The following CSMD1 variants were observed in gnomAD, a reference collection of about 807,000 sequenced individuals.
The protein encoded by CSMD1 is CUB and Sushi multiple domains 1, also known as CUB and sushi domain-containing protein 1.
Under a neutral mutation model 417.5 loss-of-function variants are expected in CSMD1, and 213 were observed. The observed-to-expected ratio is 0.51, with a 90% CI of 0.46 to 0.57. The LOEUF (loss-of-function observed/expected upper bound fraction) is 0.57, where lower values mean the gene tolerates loss of function less well. Ranked by LOEUF, CSMD1 falls within the 20% of genes least tolerant of loss-of-function variation. CSMD1 has a pLI of 0.00. For synonymous variants in CSMD1, 2,862 were observed against 1,736.8 expected (o/e 1.65, Z -16.11); for missense variants, 6,923 against 4,529.7 (o/e 1.53, Z -15.17).
At chr8:4,649,306 T>C (rs1475507087) in intron 1 of CSMD1, among the ~76,000 whole-genome samples, 4 of 152,224 alleles carry the variant, frequency 2.6e-5, no homozygotes, top group African/African-American at 7.2e-5. Context: ...ATATTATTAC[T>C]ACCTACAGTA....
At chr8:3,946,726 G>A (rs918561056) in intron 5 of CSMD1, among the ~76,000 whole-genome samples, 1 of 151,906 alleles carries the variant, frequency 6.6e-6, no homozygotes, top group Non-Finnish European at 1.5e-5. Flanking sequence ...ATTTTGTTAG[G>A]TCTTTAGTAA....
intron 1 of CSMD1, among the ~76,000 whole-genome samples, chr8:4,927,721 T>C (rs561404871): frequency 2.0e-5 from 3 of 152,254 alleles, no homozygotes; most frequent in South Asian, 2.1e-4. Context: ...ATGATACTTA[T>C]CTGCAAGTTA....
At chr8:3,895,872 C>A (rs994223853) in intron 5 of CSMD1, among the ~76,000 whole-genome samples, 3 of 152,184 alleles carry the variant, frequency 2.0e-5, no homozygotes, top group African/African-American at 7.2e-5. Flanking sequence ...TGGGAATAGT[C>A]AGGTTAACCT....
chr8:3,953,175 G>T (rs554049486), intron 5 of CSMD1, among the ~76,000 whole-genome samples: 2 of 151,942 alleles, frequency 1.3e-5, no homozygotes, highest in Non-Finnish European at 2.9e-5. Context: ...CTGGATTAGA[G>T]ATTTTACTTT....
intron 5 of CSMD1, among the ~76,000 whole-genome samples, chr8:3,946,197 T>G (rs1253356928): frequency 1.3e-5 from 2 of 152,210 alleles, no homozygotes; most frequent in African/African-American, 2.4e-5. Flanking sequence ...CTCAGTGGTT[T>G]AGCAACTGTT....
At chr8:3,921,890 G>C (rs1430481337) in intron 5 of CSMD1, among the ~76,000 whole-genome samples, 1 of 152,114 alleles carries the variant, frequency 6.6e-6, no homozygotes, top group African/African-American at 2.4e-5. Context: ...GCATGTGTCT[G>C]TTAGGTCCAT....
At chr8:2,971,539 G>A (rs1435175491) in intron 57 of CSMD1, among the ~76,000 whole-genome samples, 2 of 152,110 alleles carry the variant, frequency 1.3e-5, no homozygotes, top group African/African-American at 4.8e-5. Context: ...TCTTTTCAGT[G>A]CCTCATATCG....
chr8:3,833,142 C>T (rs1338235429), intron 5 of CSMD1, among the ~76,000 whole-genome samples: 2 of 152,130 alleles, frequency 1.3e-5, no homozygotes, highest in African/African-American at 4.8e-5. Flanking sequence ...CGATCAACTT[C>T]CTCTCTTTAA....
At position 3,108,829 on chromosome 8, in the gene CSMD1, A is replaced by AT. The variant is rs1563052827; in HGVS notation, c.6609-82dup. 20 of 1,373,030 alleles carry AT rather than the reference A, an allele frequency of 1.5e-5. No homozygotes were observed. The South Asian group carries it at 2.0e-4, about 13-fold the overall frequency. The allele number at this position is 1,373,030 out of a possible 1,614,324, so 85.1% of individuals were successfully genotyped here. ...TATGGAAACTTTGGCTAATGAATTA[A>AT]TTTTTTTAATAAAAGCAATAAAACA... On this transcript the variant is annotated intron_variant, in intron 43 of 69. Coordinates refer to ENST00000635120, the MANE Select transcript of CSMD1 (RefSeq NM_033225.6).
intron 10 of CSMD1, among the ~76,000 whole-genome samples, chr8:3,560,276 G>T (rs1799413640): frequency 6.6e-6 from 1 of 152,072 alleles, no homozygotes; most frequent in Non-Finnish European, 1.5e-5. Context: ...TTACTTAGAA[G>T]CATTTCCACA....
At chr8:3,560,262 T>A (rs1799412954) in intron 10 of CSMD1, among the ~76,000 whole-genome samples, 2 of 152,176 alleles carry the variant, frequency 1.3e-5, no homozygotes, top group South Asian at 4.1e-4. Context: ...AGTAGTACTG[T>A]TAATTACTTA....
intron 2 of CSMD1, among the ~76,000 whole-genome samples, chr8:4,561,008 T>A (rs893304683): frequency 6.6e-6 from 1 of 152,220 alleles, no homozygotes; most frequent in Non-Finnish European, 1.5e-5. Flanking sequence ...CAGTGCTTTG[T>A]GTGTAGTATA....
intron 3 of CSMD1, among the ~76,000 whole-genome samples, chr8:4,358,978 A>T (rs1176667356): frequency 6.6e-6 from 1 of 152,158 alleles, no homozygotes; most frequent in Non-Finnish European, 1.5e-5. Context: ...ACACACACAC[A>T]CACACATTTA....
At chr8:3,762,662 C>G (rs897128663) in intron 5 of CSMD1, among the ~76,000 whole-genome samples, 1 of 152,228 alleles carries the variant, frequency 6.6e-6, no homozygotes, top group Non-Finnish European at 1.5e-5. Flanking sequence ...TGACGCCGTA[C>G]AGGCACACTG....
intron 7 of CSMD1, among the ~76,000 whole-genome samples, chr8:3,644,252 G>A (rs1010340593): frequency 6.6e-6 from 1 of 152,180 alleles, no homozygotes; most frequent in Non-Finnish European, 1.5e-5. Context: ...GACACTAACA[G>A]TTGAGAACCA....
chr8:3,507,061 T>C (rs1796857618), intron 10 of CSMD1, among the ~76,000 whole-genome samples: 1 of 152,178 alleles, frequency 6.6e-6, no homozygotes, highest in African/African-American at 2.4e-5. Context: ...AACATAGAGC[T>C]TGGTGTCATG....
At chr8:4,815,421 C>T (rs1799147692) in intron 1 of CSMD1, among the ~76,000 whole-genome samples, 2 of 152,034 alleles carry the variant, frequency 1.3e-5, no homozygotes, top group South Asian at 2.1e-4. Flanking sequence ...AGGAACCGGG[C>T]TTATTGGCTC....
chr8:4,918,106 T>C (rs879919968), intron 1 of CSMD1, among the ~76,000 whole-genome samples: 1 of 152,018 alleles, frequency 6.6e-6, no homozygotes, highest in African/African-American at 2.4e-5. Flanking sequence ...AAAGAAAATA[T>C]GTATTCTATT....
intron 54 of CSMD1, among the ~76,000 whole-genome samples, chr8:2,979,113 G>C (rs149940888): frequency 1.6e-3 from 245 of 152,266 alleles, no homozygotes; most frequent in African/African-American, 5.8e-3. Context: ...TTCTAATAAT[G>C]GTCAAATAGA....
Sources: allele counts gnomAD v4.1 joint callset (sites outside exome capture counted in the v4.1 genomes callset), GRCh38; gene constraint gnomAD v4.1.1; transcripts MANE v1.5; gene names NCBI Gene and HGNC (gene_info 2026-07-23, HGNC 2026-07-21).